GRM1: variants seen among roughly 807,000 people sequenced by gnomAD.
The protein encoded by GRM1 is metabotropic glutamate receptor 1.
A neutral mutation model predicts 90.9 loss-of-function variants in GRM1; 33 were observed. The ratio of observed to expected loss-of-function variants is 0.36; its 90% confidence interval spans 0.28 to 0.49. GRM1 has a LOEUF of 0.49. Among genes scored for constraint, GRM1 ranks in the 20% least tolerant of loss-of-function variants. The pLI is 0.99. For missense variants in GRM1, 1,190 were observed against 1,534.3 expected (o/e 0.78, Z 3.75); for synonymous variants, 700 against 613.2 (o/e 1.14, Z -2.09).
At chr6:146,171,824 C>G (rs1778138123) in intron 2 of GRM1, 1 of 269,902 alleles carries the variant, frequency 3.7e-6, no homozygotes, top group Non-Finnish European at 7.8e-6. Context: ...TTTCAGAGGT[C>G]TTCTGCTTGG....
intron 1 of GRM1, among the ~76,000 whole-genome samples, chr6:146,072,555 C>A (rs141740910): frequency 5.1e-4 from 78 of 152,130 alleles, no homozygotes; most frequent in African/African-American, 1.8e-3. Flanking sequence ...AGTACTAATT[C>A]TTTTTTTACT....
intron 3 of GRM1, among the ~76,000 whole-genome samples, chr6:146,339,984 C>G (rs1784911198): frequency 6.6e-6 from 1 of 152,160 alleles, no homozygotes; most frequent in South Asian, 2.1e-4. Context: ...AACAATCCAC[C>G]AAGGAATTTT....
In GRM1 at chr6:146,374,209, G is replaced by A. The variant is rs1471052475; in HGVS notation, c.1603-12681G>A. On this transcript the variant is annotated intron_variant, in intron 5 of 7. Transcript: ENST00000282753. ...TATTGAACCATCCCTGCATCCCAGG[G>A]ATAAATCCCTCTTGTTCATCATGAA... Among the ~76,000 whole-genome samples the A allele has an allele frequency of 2.0e-5, 3 of 152,042 alleles. No homozygotes were observed. The East Asian group carries it at 5.8e-4, about 29-fold the overall frequency.
At chr6:146,042,735 A>G (rs978864991) in intron 1 of GRM1, among the ~76,000 whole-genome samples, 7 of 152,018 alleles carry the variant, frequency 4.6e-5, no homozygotes, top group Non-Finnish European at 1.0e-4. Context: ...AGTTCATACT[A>G]TTTTGACATT....
At chr6:146,290,051 A>T (rs1301241325) in intron 2 of GRM1, among the ~76,000 whole-genome samples, 1 of 152,234 alleles carries the variant, frequency 6.6e-6, no homozygotes, top group East Asian at 1.9e-4. Flanking sequence ...GCCTGTCCAG[A>T]TTACAAATAT....
At chr6:146,318,981 G>T (rs1272485367) in intron 3 of GRM1, among the ~76,000 whole-genome samples, 1 of 152,122 alleles carries the variant, frequency 6.6e-6, no homozygotes, top group Non-Finnish European at 1.5e-5. Context: ...TTTCTTTTGT[G>T]TGCAGAAGCT....
intron 2 of GRM1, among the ~76,000 whole-genome samples, chr6:146,304,010 A>T (rs1783486261): frequency 6.6e-6 from 1 of 152,166 alleles, no homozygotes; most frequent in Non-Finnish European, 1.5e-5. Flanking sequence ...TTATAATTTG[A>T]GATGAGATTG....
At chr6:146,192,710 T>A (rs1191129970) in intron 2 of GRM1, among the ~76,000 whole-genome samples, 1 of 152,196 alleles carries the variant, frequency 6.6e-6, no homozygotes, top group African/African-American at 2.4e-5. Context: ...TGAAGTCAAT[T>A]TACTGATCTT....
intron 7 of GRM1, among the ~76,000 whole-genome samples, chr6:146,423,294 A>G (rs544628191): frequency 1.8e-4 from 28 of 152,338 alleles, no homozygotes; most frequent in African/African-American, 6.3e-4. Flanking sequence ...GTTTTTATGC[A>G]GTTGATAAAA....
At chr6:146,409,540 A>G (rs1777482927) in intron 7 of GRM1, among the ~76,000 whole-genome samples, 1 of 151,942 alleles carries the variant, frequency 6.6e-6, no homozygotes, top group South Asian at 2.1e-4. Context: ...GAAAAGACGA[A>G]CATTAAGTTT....
intron 1 of GRM1, among the ~76,000 whole-genome samples, chr6:146,068,420 A>AT (rs1336331759): frequency 6.6e-6 from 1 of 152,088 alleles, no homozygotes; most frequent in East Asian, 1.9e-4. Flanking sequence ...GCCTCAAATA[A>AT]TTTTTTAAAA....
chr6:146,226,539 T>G (rs1339330825), intron 2 of GRM1, among the ~76,000 whole-genome samples: 2 of 152,140 alleles, frequency 1.3e-5, no homozygotes, highest in Admixed American at 1.3e-4. Flanking sequence ...AGTAACACAA[T>G]GCCTGCTCAG....
At chr6:146,061,466 T>C (rs1775666662) in intron 1 of GRM1, among the ~76,000 whole-genome samples, 1 of 152,030 alleles carries the variant, frequency 6.6e-6, no homozygotes, top group Non-Finnish European at 1.5e-5. Context: ...AATTGACAAA[T>C]GGGACCCAAT....
chr6:146,434,713 G>C lies in GRM1; in HGVS notation c.3502G>C (p.Glu1168Gln), dbSNP rs748991380. The C allele has an allele frequency of 1.2e-6, 2 of 1,602,394 alleles. No homozygotes were observed. Among genetic ancestry groups the C allele is most frequent in the Non-Finnish European group, 8.5e-7 (1 of 1,179,950 alleles). Residue 1168 changes from glutamate to glutamine, a missense_variant, in exon 8 of 8, where the codon GAG becomes CAG. Glu to Gln is a conservative substitution (Grantham distance 29). This residue lies in a region of GRM1 where 48 missense variants were observed against 48.5 expected (regional missense o/e 0.99). Coordinates refer to ENST00000282753, the MANE Select transcript of GRM1 (RefSeq NM_001278064.2). ...GSSVPSSPVS[E>Q]SVLCTPPNVS... The stretch of plus-strand genomic sequence containing the variant: ...CTCGGTGCCCAGCTCCCCCGTGTCC[G>C]AGTCGGTGCTCTGCACCCCTCCCAA...
At chr6:146,160,422 G>A (rs1399266684) in intron 2 of GRM1, among the ~76,000 whole-genome samples, 2 of 152,164 alleles carry the variant, frequency 1.3e-5, no homozygotes, top group African/African-American at 4.8e-5. Context: ...CAGATATCTT[G>A]TTTAATTTGC....
chr6:146,275,539 C>G (rs1782325104), intron 2 of GRM1, among the ~76,000 whole-genome samples: 2 of 151,962 alleles, frequency 1.3e-5, no homozygotes, highest in Admixed American at 1.3e-4. Context: ...TCTCTCTCCC[C>G]CTATCTCTTT....
At chr6:146,135,128 AT>A (rs1467491744) in intron 1 of GRM1, among the ~76,000 whole-genome samples, 1 of 152,184 alleles carries the variant, frequency 6.6e-6, no homozygotes, top group Non-Finnish European at 1.5e-5. Flanking sequence ...TATATAAATT[AT>A]TTAATTCTTA....
intron 1 of GRM1, among the ~76,000 whole-genome samples, chr6:146,052,863 T>G (rs1775343259): frequency 1.3e-5 from 2 of 152,090 alleles, no homozygotes; most frequent in Non-Finnish European, 1.5e-5. Flanking sequence ...TCTTTACATA[T>G]TTGTTGTTAT....
At chr6:146,177,992 A>G (rs1319347688) in intron 2 of GRM1, among the ~76,000 whole-genome samples, 1 of 152,202 alleles carries the variant, frequency 6.6e-6, no homozygotes, top group East Asian at 1.9e-4. Context: ...TTCCCTTAGT[A>G]AGCTTTATTA....
Sources: gnomAD v4.1 joint callset for allele counts (sites outside exome capture counted in the v4.1 genomes callset) on GRCh38, gnomAD v4.1.1 for gene constraint, gnomAD v4.1.1 regional missense constraint, MANE v1.5 for transcripts, NCBI Gene and HGNC (gene_info 2026-07-23, HGNC 2026-07-21) for gene names.